The following RBFOX2 variants were observed in gnomAD, a reference collection of about 807,000 sequenced individuals.
RBFOX2 encodes the protein RNA binding fox-1 homolog 2, also known as RNA binding protein fox-1 homolog 2.
RBFOX2 carries 10 observed loss-of-function variants against 49.1 expected under a neutral mutation model. The observed-to-expected ratio is 0.20, with a 90% confidence interval of 0.13 to 0.35. RBFOX2 has a LOEUF of 0.35. Ranked by LOEUF, RBFOX2 falls within the 10% of genes least tolerant of loss-of-function variation. RBFOX2 has a pLI of 1.00. For missense variants in RBFOX2, 323 were observed against 486.9 expected, an observed-to-expected ratio of 0.66 and a Z score of 3.17; for synonymous variants, 183 against 187.4, an observed-to-expected ratio of 0.98 and a Z score of 0.19.
intron 1 of RBFOX2, among the ~76,000 whole-genome samples, chr22:35,829,638 G>C (rs997235876): frequency 5.3e-5 from 8 of 152,142 alleles, no homozygotes; most frequent in Admixed American, 2.0e-4. Flanking sequence ...GGCTGGTTAG[G>C]ATCTGCTATA....
At position 36,024,966 on chromosome 22, in the gene RBFOX2, C is replaced by T. The variant is rs370126810; in HGVS notation, c.186+3274G>A. On this transcript the variant is annotated intron_variant, in intron 1 of 13. Coordinates refer to the RBFOX2 transcript ENST00000438146. ...GGGATTACAGGCGCCTGCCACCACG[C>T]CTGGCTAATTTTTTGTATTTTTAGT... Among the ~76,000 whole-genome samples the T allele has an allele frequency of 3.9e-5, 6 of 152,006 alleles. No homozygotes were observed. The East Asian group carries it at 1.2e-3, about 30-fold the overall frequency.
At chr22:35,842,158 G>A (rs2148872550), upstream of RBFOX2, among the ~76,000 whole-genome samples, 1 of 152,230 alleles carries the variant, frequency 6.6e-6, no homozygotes, top group East Asian at 1.9e-4. Context: ...ATTCTGAAAG[G>A]AACACAGGAA....
intron 1 of RBFOX2, among the ~76,000 whole-genome samples, chr22:35,831,478 A>T (rs930382517): frequency 1.3e-5 from 2 of 152,166 alleles, no homozygotes; most frequent in African/African-American, 4.8e-5. Flanking sequence ...AAAGAATCAT[A>T]TTTTGTGACA....
chr22:35,742,601 G>A (rs940604661), exon 12 of RBFOX2: 2 of 152,610 alleles, frequency 1.3e-5, no homozygotes, highest in African/African-American at 4.8e-5. Context: ...AGACCAGGGA[G>A]CCAAAAAGAC....
At chr22:35,960,414 G>A (rs1015887546) in intron 1 of RBFOX2, among the ~76,000 whole-genome samples, 15 of 152,120 alleles carry the variant, frequency 9.9e-5, no homozygotes, top group African/African-American at 3.4e-4. Context: ...CAAAGAGTCT[G>A]TGCCCTCAGA....
intron 2 of RBFOX2, among the ~76,000 whole-genome samples, chr22:35,784,355 C>G (rs774273204): frequency 6.6e-6 from 1 of 152,210 alleles, no homozygotes; most frequent in Non-Finnish European, 1.5e-5. Flanking sequence ...AAGGCAAGAA[C>G]TCAGGTTCCC....
At chr22:36,015,767 G>A (rs2059010465) in intron 1 of RBFOX2, among the ~76,000 whole-genome samples, 1 of 151,862 alleles carries the variant, frequency 6.6e-6, no homozygotes, top group African/African-American at 2.4e-5. Context: ...CGGGGCAGGG[G>A]GCTAAAAAAA....
intron 9 of RBFOX2, among the ~76,000 whole-genome samples, 196 bp from the exon 11 acceptor site, chr22:35,756,340 T>C (rs1936931478): frequency 6.6e-6 from 1 of 152,108 alleles, no homozygotes; most frequent in Admixed American, 6.5e-5. Flanking sequence ...CTCCAGGACA[T>C]GCGAGGAGAG....
At chr22:35,793,859 G>A (rs1948251596) in intron 2 of RBFOX2, among the ~76,000 whole-genome samples, 1 of 152,088 alleles carries the variant, frequency 6.6e-6, no homozygotes, top group Non-Finnish European at 1.5e-5. Context: ...CTGAAAATAT[G>A]TGATTCCATT....
chr22:35,990,344 A>C (rs148559662), intron 1 of RBFOX2, among the ~76,000 whole-genome samples: 181 of 152,278 alleles, frequency 1.2e-3, no homozygotes, highest in African/African-American at 4.0e-3. Context: ...TTGGCCAAAG[A>C]GCTGTTTAAG....
chr22:35,750,487 T>C (rs1370450262), intron 9 of RBFOX2: 2 of 1,581,970 alleles, frequency 1.3e-6, no homozygotes, highest in Non-Finnish European at 1.7e-6. Flanking sequence ...AAACAAAAAA[T>C]GGGGATTAGC....
chr22:35,944,826 G>A (rs878935963), intron 1 of RBFOX2, among the ~76,000 whole-genome samples: 10 of 151,916 alleles, frequency 6.6e-5, no homozygotes, highest in African/African-American at 1.2e-4. Flanking sequence ...CTGTAATCCC[G>A]GCACTTTGGG....
At chr22:35,844,156 G>A (rs1364496247), upstream of RBFOX2, among the ~76,000 whole-genome samples, 1 of 152,102 alleles carries the variant, frequency 6.6e-6, no homozygotes, top group East Asian at 1.9e-4. Context: ...TCTGGTTTAG[G>A]TACCCTTATC....
intron 1 of RBFOX2, among the ~76,000 whole-genome samples, chr22:35,856,245 T>A (rs768646080): frequency 6.6e-5 from 10 of 152,164 alleles, no homozygotes; most frequent in Non-Finnish European, 1.5e-4. Context: ...GAGGACATGG[T>A]TGATGATGCT....
intron 1 of RBFOX2, among the ~76,000 whole-genome samples, chr22:35,981,625 G>C (rs1440915394): frequency 6.9e-6 from 1 of 144,564 alleles, no homozygotes; most frequent in Non-Finnish European, 1.5e-5. Context: ...CTGGGTGACA[G>C]AGCAAGACTC....
chr22:35,837,266 A>G (rs925653807), intron 1 of RBFOX2, among the ~76,000 whole-genome samples: 1 of 152,216 alleles, frequency 6.6e-6, no homozygotes, highest in African/African-American at 2.4e-5. Flanking sequence ...CCCTTTTCCA[A>G]CAGCTGAGCA....
At chr22:35,999,190 CTTTT>C (rs1219869768) in intron 1 of RBFOX2, 1 of 151,748 alleles carries the variant, frequency 6.6e-6, no homozygotes, top group African/African-American at 2.4e-5. Flanking sequence ...GATTTTTTTA[CTTTT>C]TTTTCTCCAA....
chr22:35,824,859 T>C (rs1955302527), intron 1 of RBFOX2, among the ~76,000 whole-genome samples: 1 of 152,252 alleles, frequency 6.6e-6, no homozygotes, highest in Admixed American at 6.5e-5. Context: ...CTTATAGTCT[T>C]CCTCACTTGA....
intron 1 of RBFOX2, among the ~76,000 whole-genome samples, chr22:36,024,328 T>C (rs1175362863): frequency 6.6e-6 from 1 of 152,008 alleles, no homozygotes; most frequent in Admixed American, 6.6e-5. Context: ...AATAAAACAA[T>C]TAAGGGACAA....
Sources: gnomAD v4.1 joint callset for allele counts (sites outside exome capture counted in the v4.1 genomes callset) on GRCh38, gnomAD v4.1.1 for gene constraint, MANE v1.5 for transcripts, NCBI Gene and HGNC (gene_info 2026-07-23, HGNC 2026-07-21) for gene names.